Variants in TSPAN5 observed in about 807,000 individuals in gnomAD.
The protein encoded by TSPAN5 is tetraspanin 5.
A neutral mutation model predicts 37.1 loss-of-function variants in TSPAN5; 10 were observed. The ratio of observed to expected loss-of-function variants is 0.27; its 90% CI spans 0.17 to 0.46. The LOEUF (loss-of-function observed/expected upper bound fraction) is 0.46. Among genes scored for constraint, TSPAN5 ranks in the 20% least tolerant of loss-of-function variants. TSPAN5 has a pLI of 1.00. For missense variants in TSPAN5, 195 were observed against 326.6 expected (o/e 0.60, Z 3.11); for synonymous variants, 110 against 118.9 (o/e 0.93, Z 0.48).
At chr4:98,528,758 T>C (rs1434350543) in intron 1 of TSPAN5, among the ~76,000 whole-genome samples, 1 of 152,212 alleles carries the variant, frequency 6.6e-6, no homozygotes, top group African/African-American at 2.4e-5. Context: ...CTTTTTTTAT[T>C]GTACATTTAC....
At chr4:98,583,797 A>C (rs1389043263) in intron 1 of TSPAN5, among the ~76,000 whole-genome samples, 1 of 152,234 alleles carries the variant, frequency 6.6e-6, no homozygotes, top group African/African-American at 2.4e-5. Context: ...TAAGTGAGAG[A>C]ACGCATGTAA....
chr4:98,604,981 T>C (rs1755971194), intron 1 of TSPAN5, among the ~76,000 whole-genome samples: 1 of 152,172 alleles, frequency 6.6e-6, no homozygotes, highest in Non-Finnish European at 1.5e-5. Context: ...TGTGACTCAG[T>C]AGATCCCAAA....
chr4:98,647,558 T>G (rs889107339), intron 1 of TSPAN5, among the ~76,000 whole-genome samples: 12 of 152,086 alleles, frequency 7.9e-5, no homozygotes, highest in Non-Finnish European at 1.5e-4. Flanking sequence ...TTCCAACAAG[T>G]AAAAAGAGCC....
At chr4:98,477,500 C>T (rs562137371) in intron 5 of TSPAN5, among the ~76,000 whole-genome samples, 10 of 152,126 alleles carry the variant, frequency 6.6e-5, no homozygotes, top group South Asian at 2.1e-4. Context: ...AGCACCCACT[C>T]GGCTCTGCTT....
chr4:98,507,538 T>C (rs561239819), intron 2 of TSPAN5, 140 bp downstream of exon 2: 2 of 556,352 alleles, frequency 3.6e-6, no homozygotes, highest in Non-Finnish European at 3.0e-6. Context: ...AGTATGACAT[T>C]AATCTTCCAC....
intron 1 of TSPAN5, among the ~76,000 whole-genome samples, chr4:98,616,694 C>T (rs1756346085): frequency 6.6e-6 from 1 of 152,034 alleles, no homozygotes; most frequent in Non-Finnish European, 1.5e-5. Context: ...AATTCGACAC[C>T]ATGCTTTTCA....
chr4:98,490,698 A>G (rs964806925), intron 2 of TSPAN5, among the ~76,000 whole-genome samples: 4 of 152,354 alleles, frequency 2.6e-5, no homozygotes, highest in African/African-American at 9.6e-5. Context: ...TCCTGGGTGA[A>G]AAGAATATAT....
chr4:98,509,648 T>C (rs10029528), intron 1 of TSPAN5, among the ~76,000 whole-genome samples: 4,802 of 152,274 alleles, frequency 0.032, 115 homozygotes, highest in East Asian at 0.1. Flanking sequence ...CGTTTTACTA[T>C]CCCAACTGAA....
At chr4:98,652,200 G>A (rs748941685) in intron 1 of TSPAN5, among the ~76,000 whole-genome samples, 2 of 152,040 alleles carry the variant, frequency 1.3e-5, no homozygotes, top group Admixed American at 6.6e-5. Context: ...CAGACAATGC[G>A]CAAGACACTG....
intron 1 of TSPAN5, among the ~76,000 whole-genome samples, chr4:98,534,379 G>A (rs918796500): frequency 6.6e-6 from 1 of 152,214 alleles, no homozygotes; most frequent in African/African-American, 2.4e-5. Context: ...TGGTCTGACA[G>A]ACTGTTTGTT....
intron 7 of TSPAN5, among the ~76,000 whole-genome samples, chr4:98,473,730 A>C (rs1019051243): frequency 1.3e-5 from 2 of 152,092 alleles, no homozygotes; most frequent in Admixed American, 6.5e-5. Context: ...TAGCAATTTT[A>C]ATCTTTAGAG....
chr4:98,630,018 G>A (rs886815010), intron 1 of TSPAN5, among the ~76,000 whole-genome samples: 2 of 152,234 alleles, frequency 1.3e-5, no homozygotes, highest in Admixed American at 6.5e-5. Context: ...CAACCCAAAC[G>A]CTTTCCCTAA....
At chr4:98,561,515 G>A (rs1019484982) in intron 1 of TSPAN5, among the ~76,000 whole-genome samples, 15 of 152,194 alleles carry the variant, frequency 9.9e-5, no homozygotes, top group African/African-American at 3.1e-4. Flanking sequence ...AAAGCAAGTA[G>A]GTCAATAAGT....
chr4:98,501,537 G>A (rs945105655), intron 2 of TSPAN5, among the ~76,000 whole-genome samples: 1 of 152,168 alleles, frequency 6.6e-6, no homozygotes, highest in Non-Finnish European at 1.5e-5. Flanking sequence ...ACAAGGAAGG[G>A]GAAGAAAGGG....
At chr4:98,586,841 T>A (rs768910975) in intron 1 of TSPAN5, among the ~76,000 whole-genome samples, 2 of 152,176 alleles carry the variant, frequency 1.3e-5, no homozygotes, top group Non-Finnish European at 2.9e-5. Context: ...CAGTGAGAGT[T>A]AGAGTTCCCA....
intron 7 of TSPAN5, 137 bp downstream of exon 7, chr4:98,476,052 T>G: frequency 3.5e-6 from 2 of 575,754 alleles, no homozygotes; most frequent in Middle Eastern, 3.0e-4. Flanking sequence ...AACCAAATCG[T>G]TTAGGTCTGT....
chr4:98,563,908 T>C (rs960321002), intron 1 of TSPAN5, among the ~76,000 whole-genome samples: 3 of 152,098 alleles, frequency 2.0e-5, no homozygotes, highest in African/African-American at 4.8e-5. Context: ...TTCTATAATA[T>C]ACAAGACAGT....
chr4:98,600,613 G>A (rs761140337), intron 1 of TSPAN5, among the ~76,000 whole-genome samples: 4 of 152,120 alleles, frequency 2.6e-5, no homozygotes, highest in Non-Finnish European at 5.9e-5. Context: ...TGGCAATCAG[G>A]CCCATCTTCA....
At chr4:98,632,741 G>T (rs1319748275) in intron 1 of TSPAN5, among the ~76,000 whole-genome samples, 1 of 152,166 alleles carries the variant, frequency 6.6e-6, no homozygotes, top group Non-Finnish European at 1.5e-5. Flanking sequence ...GAAAAGTCCT[G>T]GGTGGTATGA....
Sources: allele counts gnomAD v4.1 joint callset (sites outside exome capture counted in the v4.1 genomes callset), GRCh38; gene constraint gnomAD v4.1.1; transcripts MANE v1.5; gene names NCBI Gene and HGNC (gene_info 2026-07-23, HGNC 2026-07-21).